STAM2: variants seen among roughly 807,000 people sequenced by gnomAD.
STAM2 encodes the protein signal transducing adaptor molecule 2, also known as signal transducing adapter molecule 2.
Under a neutral mutation model 65.6 loss-of-function variants are expected in STAM2, and 51 were observed. The ratio of observed to expected loss-of-function variants is 0.78; its 90% CI spans 0.62 to 0.98. STAM2 has a LOEUF of 0.98. Among genes scored for constraint, STAM2 ranks in the 50% least tolerant of loss-of-function variants. The pLI is 0.00. For missense variants in STAM2, 584 were observed against 617.8 expected (o/e 0.95, Z 0.58); for synonymous variants, 198 against 208.4 (o/e 0.95, Z 0.43).
rs759732452 is a variant in STAM2 at position 152,150,172 on chromosome 2, C to T, written c.98G>A (p.Cys33Tyr). ...TEDWSLIMDI[C>Y]DKVGSTPNGA... ...ATTAGGAGTACTTCCAACTTTGTCA[C>T]ATATGTCCATAATAAGACTCCAATC... The change falls in exon 2 of 14, where the codon TGT (cysteine) becomes TAT (tyrosine). Residue 33 changes from cysteine to tyrosine, a missense_variant. Coordinates refer to ENST00000263904, the MANE Select transcript of STAM2 (RefSeq NM_005843.6). 1.9e-6 allele frequency: 3 copies of T among 1,613,518 alleles called. No individual in the cohort carries two copies. The highest frequency in any genetic ancestry group is 2.2e-5 in the South Asian group (2 of 91,018).
intron 1 of STAM2, among the ~76,000 whole-genome samples, chr2:152,166,448 C>A (rs1038938625): frequency 1.3e-5 from 2 of 152,118 alleles, no homozygotes; most frequent in African/African-American, 4.8e-5. Flanking sequence ...TGATAGTTGT[C>A]AAGTAACCAG....
intron 1 of STAM2, among the ~76,000 whole-genome samples, chr2:152,165,551 A>C (rs1028035840): frequency 6.6e-6 from 1 of 152,204 alleles, no homozygotes; most frequent in Admixed American, 6.5e-5. Flanking sequence ...ACCATTATGC[A>C]CACTCCGTAT....
intron 1 of STAM2, among the ~76,000 whole-genome samples, chr2:152,174,849 T>G (rs1161675456): frequency 6.6e-6 from 1 of 152,226 alleles, no homozygotes; most frequent in East Asian, 1.9e-4. Flanking sequence ...TTTGTTTTAG[T>G]GTTACTCAAA....
chr2:152,169,423 C>T (rs746920013), intron 1 of STAM2, among the ~76,000 whole-genome samples: 6 of 152,052 alleles, frequency 3.9e-5, no homozygotes, highest in Non-Finnish European at 5.9e-5. Context: ...ACTACAGGTG[C>T]GCGCCACCAT....
chr2:152,132,199 A>G, intron 10 of STAM2, 31 bp from the exon 11 acceptor site: 1 of 1,565,136 alleles, frequency 6.4e-7, no homozygotes, highest in Non-Finnish European at 8.8e-7. Context: ...ACAAATATAG[A>G]AACTTAATCC....
intron 4 of STAM2, 107 bp downstream of exon 4, chr2:152,147,917 T>TA (rs1480243551): frequency 1.3e-5 from 11 of 862,442 alleles, no homozygotes; most frequent in Non-Finnish European, 2.0e-5. Flanking sequence ...TTCAATGATC[T>TA]AAAAATGACT....
intron 7 of STAM2, among the ~76,000 whole-genome samples, chr2:152,137,715 T>A (rs1310230483): frequency 6.6e-6 from 1 of 152,124 alleles, no homozygotes; most frequent in Admixed American, 6.5e-5. Flanking sequence ...TATACTTAAC[T>A]GTAGTTTTAG....
chr2:152,152,996 T>C (rs1445088312), intron 1 of STAM2, among the ~76,000 whole-genome samples: 3 of 152,200 alleles, frequency 2.0e-5, no homozygotes, highest in Admixed American at 6.5e-5. Flanking sequence ...TGGTCTGAAA[T>C]ATTACATGAT....
Position 152,119,092 on chromosome 2 carries a change from CAAAT to C in STAM2, c.*1478_*1481del, listed in dbSNP as rs993941997. On this transcript the variant is annotated 3_prime_UTR_variant, in exon 14 of 14. Transcript: ENST00000263904. ...AGAATGACTGCTTCCTTTAAAAAAA[CAAAT>C]ATAGAAATCTTGCTTCCACGTAACT... 3.3e-5 allele frequency: 5 copies of C among 151,672 alleles called. No individual in the cohort carries two copies. Among genetic ancestry groups the C allele is most frequent in the Admixed American group, 3.3e-4 (5 of 15,228 alleles). The allele number at this position is 151,672 out of a possible 1,614,324, so 9.4% of individuals were successfully genotyped here. A position where few individuals can be genotyped will look rare whatever the true frequency, so the allele number is the denominator to read the frequency against.
chr2:152,149,202 A>G (rs1328104703), intron 2 of STAM2, among the ~76,000 whole-genome samples: 2 of 152,198 alleles, frequency 1.3e-5, no homozygotes, highest in East Asian at 3.8e-4. Flanking sequence ...GTTCCCATAC[A>G]TATAGAAGTC....
intron 13 of STAM2, 65 bp from the exon 14 acceptor site, chr2:152,120,867 C>T: frequency 1.6e-6 from 2 of 1,289,850 alleles, no homozygotes; most frequent in South Asian, 2.4e-5. Flanking sequence ...AGAGATCAAT[C>T]ATCATGACAA....
chr2:152,136,679 A>C (rs1169846326), intron 7 of STAM2, among the ~76,000 whole-genome samples: 1 of 151,936 alleles, frequency 6.6e-6, no homozygotes, highest in Non-Finnish European at 1.5e-5. Context: ...ATACTTTCAA[A>C]TTTTGCTTAT....
intron 1 of STAM2, among the ~76,000 whole-genome samples, chr2:152,159,618 G>A (rs1468081319): frequency 6.6e-6 from 1 of 152,068 alleles, no homozygotes; most frequent in African/African-American, 2.4e-5. Context: ...GAGTCCTCCC[G>A]CATGGAGAGC....
At chr2:152,159,580 T>C in intron 1 of STAM2, among the ~76,000 whole-genome samples, 1 of 152,228 alleles carries the variant, frequency 6.6e-6, no homozygotes, top group East Asian at 1.9e-4. Flanking sequence ...TATCATCTCC[T>C]GAGCGTCCCT....
intron 1 of STAM2, among the ~76,000 whole-genome samples, chr2:152,152,276 A>G (rs1179809951): frequency 6.6e-6 from 1 of 151,702 alleles, no homozygotes; most frequent in African/African-American, 2.4e-5. Flanking sequence ...TTGGGCCAGG[A>G]GCGGTGGCTC....
At chr2:152,139,409 G>A (rs570706997) in intron 7 of STAM2, among the ~76,000 whole-genome samples, 1 of 152,292 alleles carries the variant, frequency 6.6e-6, no homozygotes, top group East Asian at 1.9e-4. Flanking sequence ...GTGCCCTCAA[G>A]AAGTTTAAAA....
intron 1 of STAM2, among the ~76,000 whole-genome samples, chr2:152,167,439 C>T (rs1689807356): frequency 1.3e-5 from 2 of 152,182 alleles, no homozygotes; most frequent in Non-Finnish European, 1.5e-5. Context: ...CAATGTGAAA[C>T]TTAATCCTAA....
rs1286331812 is a variant in STAM2 at position 152,162,810 on chromosome 2, T to TC, written c.41-12582_41-12581insG. Among the ~76,000 whole-genome samples the TC allele has an allele frequency of 2.7e-3, 400 of 150,622 alleles. 2 individuals carry two copies. Among genetic ancestry groups the TC allele is most frequent in the African/African-American group, 9.1e-3 (373 of 40,874 alleles). ...CGCACGCCACCATGCCTGGGTAATT[T>TC]TTTTTTTTTTTAATTTTTGTATTTT... On this transcript the variant is annotated intron_variant, in intron 1 of 13. Transcript: ENST00000263904.
chr2:152,157,986 C>T (rs916537467), intron 1 of STAM2, among the ~76,000 whole-genome samples: 5 of 152,106 alleles, frequency 3.3e-5, no homozygotes, highest in African/African-American at 9.7e-5. Context: ...ACTAAATAAG[C>T]AAACAAGTGT....
Sources: gnomAD v4.1 joint callset for allele counts (sites outside exome capture counted in the v4.1 genomes callset) on GRCh38, gnomAD v4.1.1 for gene constraint, MANE v1.5 for transcripts, NCBI Gene and HGNC (gene_info 2026-07-23, HGNC 2026-07-21) for gene names.